The following DPP10 variants were observed in gnomAD, a reference collection of about 807,000 sequenced individuals.
The protein encoded by DPP10 is dipeptidyl peptidase like 10.
Under a neutral mutation model 120.9 loss-of-function variants are expected in DPP10, and 33 were observed. The ratio of observed to expected loss-of-function variants is 0.27; its 90% CI spans 0.21 to 0.37. The LOEUF (loss-of-function observed/expected upper bound fraction) is 0.37, where lower values mean the gene tolerates loss of function less well. DPP10 is among the 10% of genes least tolerant of loss of function. DPP10 has a pLI of 1.00. For missense variants in DPP10, 816 were observed against 942.8 expected (o/e 0.87, Z 1.76); for synonymous variants, 337 against 326.1 (o/e 1.03, Z -0.36).
intron 3 of DPP10, among the ~76,000 whole-genome samples, chr2:115,385,015 A>C (rs12474916): frequency 0.77 from 116,885 of 152,130 alleles, 45,381 homozygotes; most frequent in Non-Finnish European, 0.83. Context: ...TTCTCATTTT[A>C]TCTTGCTGCC....
chr2:114,974,483 T>C (rs1451487424), intron 1 of DPP10, among the ~76,000 whole-genome samples: 3 of 149,918 alleles, frequency 2.0e-5, no homozygotes, highest in African/African-American at 2.5e-5. Flanking sequence ...AGTGGCAAGA[T>C]TTCTGCACAC....
chr2:115,843,253 A>G lies in DPP10; in HGVS notation c.*908A>G, dbSNP rs1484478574. ...TCCAGTTGCATTTAATTTTTTGAAT[A>G]TGATACCTTGTCACATGTAAATTAG... On this transcript the variant is annotated 3_prime_UTR_variant, in exon 26 of 26. Transcript: ENST00000410059. 4 of 152,630 alleles carry G rather than the reference A, an allele frequency of 2.6e-5. No homozygotes were observed. Among genetic ancestry groups the G allele is most frequent in the Admixed American group, 6.5e-5 (1 of 15,286 alleles). 9.5% of individuals were successfully genotyped at this position (152,630 alleles called of 1,614,324 possible). A position where few individuals can be genotyped will look rare whatever the true frequency, so the allele number is the denominator to read the frequency against.
intron 5 of DPP10, among the ~76,000 whole-genome samples, chr2:115,571,499 T>C (rs1175064952): frequency 6.6e-6 from 1 of 152,146 alleles, no homozygotes; most frequent in Non-Finnish European, 1.5e-5. Flanking sequence ...TTTCTGATCC[T>C]GCGTTAATTC....
chr2:114,527,479 A>G (rs1685598096), intron 1 of DPP10, among the ~76,000 whole-genome samples: 1 of 152,104 alleles, frequency 6.6e-6, no homozygotes, highest in Non-Finnish European at 1.5e-5. Flanking sequence ...ATTAATTATG[A>G]TCTGAACAGT....
At chr2:115,817,415 G>T (rs1289674761) in intron 21 of DPP10, among the ~76,000 whole-genome samples, 2 of 152,096 alleles carry the variant, frequency 1.3e-5, no homozygotes, top group Non-Finnish European at 2.9e-5. Context: ...TTTAATTGGG[G>T]CGTAAATTTT....
chr2:114,621,599 G>T (rs577505464), intron 1 of DPP10, among the ~76,000 whole-genome samples: 4 of 151,948 alleles, frequency 2.6e-5, no homozygotes, highest in African/African-American at 9.6e-5. Context: ...TAGGTTTTTT[G>T]TGTGTGACTG....
intron 1 of DPP10, among the ~76,000 whole-genome samples, chr2:115,014,921 T>A (rs1573308997): frequency 1.4e-5 from 2 of 145,348 alleles, no homozygotes; most frequent in Admixed American, 1.4e-4. Flanking sequence ...CTACCAGAGG[T>A]ACAAAGAGGA....
At chr2:115,412,703 T>C (rs2069050642) in intron 3 of DPP10, among the ~76,000 whole-genome samples, 1 of 152,214 alleles carries the variant, frequency 6.6e-6, no homozygotes, top group Non-Finnish European at 1.5e-5. Context: ...GTATTTAGGA[T>C]TATTCATCCT....
intron 1 of DPP10, among the ~76,000 whole-genome samples, chr2:114,808,884 T>C (rs1016206878): frequency 1.3e-5 from 2 of 152,202 alleles, no homozygotes; most frequent in South Asian, 4.1e-4. Flanking sequence ...CCTTTAATGC[T>C]ATTCTGTTTT....
intron 2 of DPP10, among the ~76,000 whole-genome samples, chr2:115,334,903 A>G (rs1254804734): frequency 6.6e-6 from 1 of 151,716 alleles, no homozygotes; most frequent in African/African-American, 2.4e-5. Flanking sequence ...TGCAAAATAT[A>G]CCAGGATATA....
intron 1 of DPP10, among the ~76,000 whole-genome samples, chr2:115,037,680 G>C (rs1704324505): frequency 6.6e-6 from 1 of 152,148 alleles, no homozygotes; most frequent in South Asian, 2.1e-4. Flanking sequence ...TGTTTAACAA[G>C]CAACCTAGTT....
At chr2:114,939,157 A>G (rs1282606347) in intron 1 of DPP10, among the ~76,000 whole-genome samples, 2 of 152,128 alleles carry the variant, frequency 1.3e-5, no homozygotes, top group Admixed American at 6.5e-5. Flanking sequence ...CAGTTATAAG[A>G]AGAAGAAAAT....
At chr2:114,531,491 C>T (rs891834497) in intron 1 of DPP10, among the ~76,000 whole-genome samples, 1 of 149,366 alleles carries the variant, frequency 6.7e-6, no homozygotes, top group South Asian at 2.1e-4. Context: ...ATATATCTCT[C>T]CCTATATATA....
chr2:115,217,118 C>T (rs541491576), intron 1 of DPP10, among the ~76,000 whole-genome samples: 5 of 152,050 alleles, frequency 3.3e-5, no homozygotes, highest in Non-Finnish European at 7.4e-5. Flanking sequence ...ATTGTTTTCA[C>T]CAGAGTTTTA....
chr2:115,578,160 A>C (rs1345306095), intron 5 of DPP10, among the ~76,000 whole-genome samples: 1 of 152,192 alleles, frequency 6.6e-6, no homozygotes, highest in African/African-American at 2.4e-5. Flanking sequence ...TCAAATGGCC[A>C]CTGAAACCAG....
At chr2:115,330,049 C>G (rs2062617358) in intron 2 of DPP10, among the ~76,000 whole-genome samples, 1 of 152,110 alleles carries the variant, frequency 6.6e-6, no homozygotes. Context: ...TTTGCAGTCC[C>G]ACCAACAGTG....
intron 1 of DPP10, among the ~76,000 whole-genome samples, chr2:114,748,195 GT>G (rs1347003834): frequency 6.6e-6 from 1 of 151,564 alleles, no homozygotes; most frequent in African/African-American, 2.4e-5. Context: ...TTTCGTTTTT[GT>G]TTTTTTGTTT....
Position 115,147,811 on chromosome 2 carries a change from T to G in DPP10, c.61-161428T>G, listed in dbSNP as rs142128550. On this transcript the variant is annotated intron_variant, in intron 1 of 25. Coordinates refer to ENST00000410059, the MANE Select transcript of DPP10 (RefSeq NM_020868.6). ...CTTCTTTGAGGAATCTAAATAAACT[T>G]GAAAATGTTTTTAGGTGAAAAGAAT... 7.2e-5 allele frequency among the ~76,000 whole-genome samples: 11 copies of G among 152,196 alleles called. 2 individuals are homozygous for G. The highest frequency in any genetic ancestry group is 2.6e-4 in the African/African-American group (11 of 41,538).
At chr2:115,561,520 G>A (rs1439745961) in intron 5 of DPP10, among the ~76,000 whole-genome samples, 3 of 152,014 alleles carry the variant, frequency 2.0e-5, no homozygotes, top group Non-Finnish European at 4.4e-5. Flanking sequence ...AAAATTAAAT[G>A]TATTTTTCCA....
Sources: gnomAD v4.1 joint callset for allele counts (sites outside exome capture counted in the v4.1 genomes callset) on GRCh38, gnomAD v4.1.1 for gene constraint, MANE v1.5 for transcripts, NCBI Gene and HGNC (gene_info 2026-07-23, HGNC 2026-07-21) for gene names.